VPS37A: variants seen among roughly 807,000 people sequenced by gnomAD.
VPS37A encodes vacuolar protein sorting-associated protein 37A.
VPS37A carries 30 observed loss-of-function variants against 49.8 expected under a neutral mutation model. The observed-to-expected ratio is 0.60, with a 90% CI of 0.45 to 0.82. The LOEUF is 0.82. Among genes scored for constraint, VPS37A ranks in the 40% least tolerant of loss-of-function variants. VPS37A has a pLI of 0.00. For synonymous variants in VPS37A, 195 were observed against 160.6 expected (o/e 1.21, Z -1.62); for missense variants, 593 against 464.4 (o/e 1.28, Z -2.55).
chr8:17,257,212 T>G (rs1812547163), intron 1 of VPS37A, among the ~76,000 whole-genome samples: 1 of 152,198 alleles, frequency 6.6e-6, no homozygotes, highest in Non-Finnish European at 1.5e-5. Context: ...TTCTTGGTGC[T>G]TTTGTTAAGA....
the VPS37A span, among the ~76,000 whole-genome samples, chr8:17,332,181 G>A: frequency 5.3e-5 from 8 of 152,032 alleles, no homozygotes; most frequent in African/African-American, 1.9e-4. Context: ...GGACAGGAGG[G>A]CTAACCCAGG....
the VPS37A span, among the ~76,000 whole-genome samples, chr8:17,329,957 T>G: frequency 1.3e-5 from 2 of 152,152 alleles, no homozygotes; most frequent in Admixed American, 1.3e-4. Flanking sequence ...AGGAAGGGAT[T>G]TCTGCTACAG....
chr8:17,255,492 A>ATGTG (rs138387332), intron 1 of VPS37A, among the ~76,000 whole-genome samples: 40,806 of 150,862 alleles, frequency 0.27, 6,289 homozygotes, highest in East Asian at 0.6. Context: ...AAATATATAT[A>ATGTG]TGTGTGTGTG....
At chr8:17,305,819 G>T (rs372362905), downstream of VPS37A, 3 of 1,613,670 alleles carry the variant, frequency 1.9e-6, no homozygotes, top group African/African-American at 4.0e-5. Flanking sequence ...AGGAATAAAT[G>T]TGATGTTGAA....
intron 4 of VPS37A, among the ~76,000 whole-genome samples, chr8:17,272,641 C>T (rs569153564): frequency 6.6e-6 from 1 of 152,118 alleles, no homozygotes; most frequent in Non-Finnish European, 1.5e-5. Context: ...AAAGATATTA[C>T]AAATACTCTC....
At chr8:17,328,280 C>A in the VPS37A span, among the ~76,000 whole-genome samples, 7 of 152,134 alleles carry the variant, frequency 4.6e-5, no homozygotes, top group Non-Finnish European at 1.0e-4. Flanking sequence ...ATGCAAGTAA[C>A]TCCATACACC....
At chr8:17,331,144 G>C in the VPS37A span, 1 of 1,609,646 alleles carries the variant, frequency 6.2e-7, no homozygotes, top group African/African-American at 1.3e-5. Context: ...TAAGGAAATG[G>C]TTTACCTTCC....
intron 9 of VPS37A, 92 bp downstream of exon 9, chr8:17,280,535 C>G: frequency 8.3e-7 from 1 of 1,204,236 alleles, no homozygotes; most frequent in Non-Finnish European, 1.2e-6. Context: ...TCATCAGAAA[C>G]CATTTATGAG....
At chr8:17,318,759 C>T in the VPS37A span, among the ~76,000 whole-genome samples, 1 of 152,192 alleles carries the variant, frequency 6.6e-6, no homozygotes, top group Admixed American at 6.5e-5. Flanking sequence ...AATCTGTCCT[C>T]ACTCCCCTGC....
At chr8:17,322,263 G>A in the VPS37A span, among the ~76,000 whole-genome samples, 213 of 152,308 alleles carry the variant, frequency 1.4e-3, 1 homozygote, top group South Asian at 4.1e-3. Context: ...ATTCAAAGAG[G>A]ACTTTATTAT....
chr8:17,317,841 T>C, the VPS37A span, among the ~76,000 whole-genome samples: 19,543 of 152,256 alleles, frequency 0.13, 1,499 homozygotes, highest in Non-Finnish European at 0.18. Context: ...CTCATCCATT[T>C]ATTTTGCAGC....
intron 5 of VPS37A, among the ~76,000 whole-genome samples, chr8:17,275,415 G>A (rs1381759829): frequency 6.6e-6 from 1 of 152,172 alleles, no homozygotes; most frequent in African/African-American, 2.4e-5. Context: ...GATACATAAG[G>A]CATTCTTTGA....
rs754287599 is a variant in VPS37A, at chr8:17,268,937, A to C, written c.397A>C (p.Thr133Pro). Residue 133 changes from threonine (T) to proline (P), a missense_variant, in exon 4 of 12, where the codon ACT becomes CCT. Transcript: ENST00000324849. ...FWKNPPVLAP[T>P]STAFPYLYSN... ...GAAGAATCCTCCAGTTTTAGCTCCT[A>C]CTTCAACAGCATTTCCTTAGTAAGT... is the stretch of plus-strand genomic sequence containing the variant. The C allele has an allele frequency of 1.2e-6, 2 of 1,606,426 alleles. No homozygotes were observed. Among genetic ancestry groups the C allele is most frequent in the Non-Finnish European group, 1.7e-6 (2 of 1,177,260 alleles).
intron 1 of VPS37A, among the ~76,000 whole-genome samples, chr8:17,256,290 ATTTTTTTTTTTTTT>A (rs529736602): frequency 4.1e-4 from 25 of 60,390 alleles, no homozygotes; most frequent in East Asian, 6.8e-4. Context: ...GGGTAAAATG[ATTTTTTTTTTTTTT>A]TTTTTTTTTT....
At chr8:17,280,526 C>T in intron 9 of VPS37A, 83 bp downstream of exon 9, 1 of 1,258,930 alleles carries the variant, frequency 7.9e-7, no homozygotes, top group Non-Finnish European at 1.1e-6. Flanking sequence ...CTTTCATTAT[C>T]ATCAGAAACC....
At chr8:17,311,921 C>A in the VPS37A span, 1 of 296,710 alleles carries the variant, frequency 3.4e-6, no homozygotes, top group South Asian at 6.9e-5. Context: ...TGCAAACGGA[C>A]CTTCAACCCT....
At position 17,247,299 on chromosome 8, in the gene VPS37A, C is replaced by G. The variant is rs1563225080; in HGVS notation, c.55C>G (p.Pro19Ala). 6 of 1,565,162 alleles carry G rather than the reference C, an allele frequency of 3.8e-6. No individual in the cohort carries two copies. Among genetic ancestry groups the G allele is most frequent in the Non-Finnish European group, 5.2e-6 (6 of 1,154,992 alleles). The change falls in exon 1 of 12, where the codon CCC (proline) becomes GCC (alanine). Residue 19 changes from proline (P) to alanine (A), a missense_variant. Transcript: ENST00000324849. ...KSASSSAAGS[P>A]GGLTSLQQQK... ...CGCCTCCTCCTCCGCGGCTGGGTCC[C>G]CCGGTGGCCTCACCAGCCTCCAGCA...
chr8:17,249,538 C>G (rs1484853822), intron 1 of VPS37A, among the ~76,000 whole-genome samples: 2 of 152,140 alleles, frequency 1.3e-5, no homozygotes, highest in East Asian at 3.8e-4. Flanking sequence ...TCGAATAATT[C>G]CGGAGACACT....
intron 1 of VPS37A, among the ~76,000 whole-genome samples, chr8:17,259,667 A>C (rs1279988966): frequency 6.6e-6 from 1 of 152,102 alleles, no homozygotes. Context: ...CTGATAGTAG[A>C]GTGAAAGTCC....
Sources: allele counts gnomAD v4.1 joint callset (sites outside exome capture counted in the v4.1 genomes callset), GRCh38; gene constraint gnomAD v4.1.1; transcripts MANE v1.5; gene names NCBI Gene and HGNC (gene_info 2026-07-23, HGNC 2026-07-21).